Variants in PLCH1 observed in about 807,000 individuals in gnomAD.
PLCH1 encodes the protein 1-phosphatidylinositol 4,5-bisphosphate phosphodiesterase eta-1.
PLCH1 carries 60 observed loss-of-function variants against 126.7 expected under a neutral mutation model. The ratio of observed to expected loss-of-function variants is 0.47; its 90% CI spans 0.38 to 0.59. The LOEUF (loss-of-function observed/expected upper bound fraction) is 0.59, where lower values mean the gene tolerates loss of function less well. PLCH1 is among the 20% of genes least tolerant of loss of function. PLCH1 has a pLI of 0.00. For missense variants in PLCH1, 1,723 were observed against 2,040.0 expected (o/e 0.84, Z 2.99); for synonymous variants, 719 against 734.9 (o/e 0.98, Z 0.35).
chr3:155,463,174 T>G (rs1712793213), intron 21 of PLCH1, among the ~76,000 whole-genome samples: 1 of 152,120 alleles, frequency 6.6e-6, no homozygotes, highest in Non-Finnish European at 1.5e-5. Flanking sequence ...TCTTTGGGAA[T>G]GCACTCCCAC....
At chr3:155,524,922 C>T (rs538475076) in intron 10 of PLCH1, among the ~76,000 whole-genome samples, 1 of 152,204 alleles carries the variant, frequency 6.6e-6, no homozygotes, top group Admixed American at 6.5e-5. Flanking sequence ...GAGGTTGAGG[C>T]AGGAGGATGA....
intron 4 of PLCH1, among the ~76,000 whole-genome samples, chr3:155,592,858 C>T (rs191957571): frequency 1.3e-5 from 2 of 152,328 alleles, no homozygotes; most frequent in African/African-American, 4.8e-5. Flanking sequence ...GATTTAAGCA[C>T]AGAAAGTTAA....
At chr3:155,663,602 C>T (rs1172739440) in intron 2 of PLCH1, among the ~76,000 whole-genome samples, 1 of 152,178 alleles carries the variant, frequency 6.6e-6, no homozygotes, top group African/African-American at 2.4e-5. Context: ...AAACATTTAC[C>T]CATTCCTTTT....
intron 2 of PLCH1, among the ~76,000 whole-genome samples, chr3:155,608,990 G>T (rs553456802): frequency 7.2e-5 from 11 of 152,262 alleles, no homozygotes; most frequent in Non-Finnish European, 1.5e-4. Context: ...CCAGGAAAGG[G>T]AAAACAATAG....
intron 2 of PLCH1, among the ~76,000 whole-genome samples, chr3:155,657,430 G>A (rs913667703): frequency 6.6e-6 from 1 of 152,172 alleles, no homozygotes; most frequent in Non-Finnish European, 1.5e-5. Flanking sequence ...TACTGGAGAG[G>A]AAACAGCTGC....
intron 1 of PLCH1, chr3:155,743,215 T>G (rs1346578719): frequency 4.4e-6 from 2 of 453,046 alleles, no homozygotes; most frequent in African/African-American, 2.0e-5. Flanking sequence ...GCTGTCAAGA[T>G]TCACAATTTT....
At chr3:155,670,247 T>A (rs1353779636) in intron 2 of PLCH1, among the ~76,000 whole-genome samples, 4 of 152,222 alleles carry the variant, frequency 2.6e-5, no homozygotes, top group Non-Finnish European at 4.4e-5. Flanking sequence ...TAAAGCTGCC[T>A]TTTATTTCAT....
chr3:155,461,553 C>A (rs993854288), intron 21 of PLCH1, among the ~76,000 whole-genome samples: 6 of 152,200 alleles, frequency 3.9e-5, no homozygotes, highest in Admixed American at 3.3e-4. Flanking sequence ...TTTGCCCAGA[C>A]CTTCAGATCA....
At chr3:155,546,234 T>C (rs1025663171) in intron 10 of PLCH1, among the ~76,000 whole-genome samples, 3 of 152,122 alleles carry the variant, frequency 2.0e-5, no homozygotes, top group African/African-American at 7.2e-5. Flanking sequence ...AGCATTCCTA[T>C]ACACCAATAA....
chr3:155,543,359 A>G (rs1265086920), intron 10 of PLCH1, among the ~76,000 whole-genome samples: 10 of 152,288 alleles, frequency 6.6e-5, no homozygotes, highest in African/African-American at 1.4e-4. Context: ...AAAGAAATGA[A>G]CAAAGCCTCC....
rs543769379 is a variant in PLCH1 at position 155,575,999 on chromosome 3, T to C, written c.771+7473A>G. On this transcript the variant is annotated intron_variant, in intron 6 of 22. Coordinates refer to ENST00000460012, the MANE Select transcript of PLCH1 (RefSeq NM_014996.4). Reference sequence around the variant, plus strand: ...CTTCAATGTTCCTGCCTTCTCTTCCTTCTTCCTCAATCCATAAGAAACAAA... The same window carrying C: ...CTTCAATGTTCCTGCCTTCTCTTCCCTCTTCCTCAATCCATAAGAAACAAA... Among the ~76,000 whole-genome samples the C allele has an allele frequency of 4.6e-5, 7 of 152,284 alleles. No homozygotes were observed. The South Asian group carries it at 1.2e-3, about 27-fold the overall frequency.
At chr3:155,477,811 G>T (rs1182912188), downstream of PLCH1, among the ~76,000 whole-genome samples, 1 of 152,114 alleles carries the variant, frequency 6.6e-6, no homozygotes, top group Non-Finnish European at 1.5e-5. Context: ...ATATAAATTA[G>T]CATAACTACT....
chr3:155,648,374 C>G (rs971643698), intron 2 of PLCH1, among the ~76,000 whole-genome samples: 1 of 152,184 alleles, frequency 6.6e-6, no homozygotes, highest in African/African-American at 2.4e-5. Flanking sequence ...GGCAACTTTA[C>G]GGACAGATGG....
chr3:155,735,569 G>A (rs927664806), intron 1 of PLCH1, among the ~76,000 whole-genome samples: 8 of 151,284 alleles, frequency 5.3e-5, no homozygotes, highest in Admixed American at 2.6e-4. Flanking sequence ...AGAAGGCAGA[G>A]GTTGCAGTGA....
At chr3:155,483,424 A>T in intron 22 of PLCH1, 1 of 1,400,208 alleles carries the variant, frequency 7.1e-7, no homozygotes, top group Non-Finnish European at 9.8e-7. Context: ...GCTCTGTTAA[A>T]CAAAGCATTG....
intron 2 of PLCH1, among the ~76,000 whole-genome samples, chr3:155,622,205 A>C (rs1271383844): frequency 6.6e-6 from 1 of 152,242 alleles, no homozygotes; most frequent in African/African-American, 2.4e-5. Context: ...ACAGACAAGC[A>C]AATGCTGAGA....
intron 4 of PLCH1, among the ~76,000 whole-genome samples, chr3:155,592,495 C>CGTCTCCAAAAA (rs758599634): frequency 7.4e-6 from 1 of 135,928 alleles, no homozygotes. Context: ...ACTCCATCTC[C>CGTCTCCAAAAA]AAAAAAAAAA....
downstream of PLCH1, among the ~76,000 whole-genome samples, chr3:155,476,832 A>C (rs946027145): frequency 6.6e-6 from 1 of 152,174 alleles, no homozygotes; most frequent in African/African-American, 2.4e-5. Flanking sequence ...TACCCAAAGC[A>C]ATCTACAGAT....
intron 1 of PLCH1, among the ~76,000 whole-genome samples, chr3:155,734,970 A>G (rs1223109199): frequency 6.6e-6 from 1 of 152,062 alleles, no homozygotes; most frequent in African/African-American, 2.4e-5. Context: ...TGGCCTCCCA[A>G]AGTGCTGGGA....
Sources: allele counts gnomAD v4.1 joint callset (sites outside exome capture counted in the v4.1 genomes callset), GRCh38; gene constraint gnomAD v4.1.1; transcripts MANE v1.5; gene names NCBI Gene and HGNC (gene_info 2026-07-23, HGNC 2026-07-21).